OPRM1: variants seen among roughly 807,000 people sequenced by gnomAD.
OPRM1 encodes mu-type opioid receptor.
Under a neutral mutation model 31.8 loss-of-function variants are expected in OPRM1, and 27 were observed. The observed-to-expected ratio is 0.85, with a 90% CI of 0.63 to 1.17. The LOEUF is 1.17. Among genes scored for constraint, OPRM1 ranks in the 50% most tolerant of loss-of-function variants. The pLI is 0.00. For missense variants in OPRM1, 536 were observed against 511.1 expected, an observed-to-expected ratio of 1.05 and a Z score of -0.47; for synonymous variants, 196 against 189.9, an observed-to-expected ratio of 1.03 and a Z score of -0.26.
intron 3 of OPRM1, among the ~76,000 whole-genome samples, chr6:154,112,653 T>A (rs1562484409): frequency 1.3e-5 from 2 of 152,202 alleles, no homozygotes; most frequent in Non-Finnish European, 2.9e-5. Context: ...GATGATTAGA[T>A]CTTGCAGTTC....
chr6:154,150,650 T>C (rs1025708543), intron 3 of OPRM1, among the ~76,000 whole-genome samples: 2 of 152,238 alleles, frequency 1.3e-5, no homozygotes, highest in East Asian at 1.9e-4. Context: ...CAAGTGAACC[T>C]GGGGATTCAC....
intron 3 of OPRM1, among the ~76,000 whole-genome samples, chr6:154,171,056 A>G (rs1037395822): frequency 1.3e-5 from 2 of 152,170 alleles, no homozygotes; most frequent in African/African-American, 2.4e-5. Flanking sequence ...CCACTTTAGA[A>G]AATAGTTTGT....
At chr6:154,104,376 A>G (rs1224273894) in intron 3 of OPRM1, among the ~76,000 whole-genome samples, 1 of 152,254 alleles carries the variant, frequency 6.6e-6, no homozygotes, top group African/African-American at 2.4e-5. Context: ...TTCCAAGTAA[A>G]CTAAATTAGA....
chr6:154,195,572 C>T (rs9478522), intron 3 of OPRM1, among the ~76,000 whole-genome samples: 10,019 of 152,130 alleles, frequency 0.066, 424 homozygotes, highest in African/African-American at 0.099. Context: ...CCTTTCCATC[C>T]CCTTTACCCA....
intron 3 of OPRM1, among the ~76,000 whole-genome samples, chr6:154,244,588 C>T (rs556068503): frequency 6.6e-6 from 1 of 152,254 alleles, no homozygotes; most frequent in South Asian, 2.1e-4. Context: ...TCTTTCTAGC[C>T]TAGTCTGTCA....
At chr6:154,107,160 G>A (rs1294334079) in intron 3 of OPRM1, among the ~76,000 whole-genome samples, 2 of 152,214 alleles carry the variant, frequency 1.3e-5, no homozygotes, top group African/African-American at 2.4e-5. Flanking sequence ...ACTGGCTTGA[G>A]GATGGAGTCC....
downstream of OPRM1, among the ~76,000 whole-genome samples, chr6:154,136,438 A>C (rs1377944629): frequency 6.6e-6 from 1 of 152,234 alleles, no homozygotes; most frequent in Non-Finnish European, 1.5e-5. Flanking sequence ...TTCTTGTAAA[A>C]TAATGGTGTC....
chr6:154,061,655 C>T (rs552893970), intron 1 of OPRM1, among the ~76,000 whole-genome samples: 6 of 151,768 alleles, frequency 4.0e-5, no homozygotes, highest in African/African-American at 4.8e-5. Flanking sequence ...CAACAGACAC[C>T]GGGGCTTACT....
intron 1 of OPRM1, among the ~76,000 whole-genome samples, chr6:154,079,978 A>G (rs946452323): frequency 1.3e-5 from 2 of 152,250 alleles, no homozygotes; most frequent in Admixed American, 6.5e-5. Flanking sequence ...TTATTTGATA[A>G]CAATTTCAGA....
intron 1 of OPRM1, among the ~76,000 whole-genome samples, chr6:154,029,988 C>T (rs959415673): frequency 6.6e-6 from 1 of 151,928 alleles, no homozygotes; most frequent in Non-Finnish European, 1.5e-5. Flanking sequence ...TTATTAGCAG[C>T]GTGAGAATGG....
rs752365239 is a variant in OPRM1 at position 154,091,066 on chromosome 6, G to C, written c.758G>C (p.Cys253Ser). The change falls in exon 3 of 4, where the codon TGC becomes TCC. Residue 253 changes from cysteine (C) to serine (S), a missense_variant. Cys to Ser is a moderately radical substitution (Grantham distance 112). Transcript: ENST00000330432. ...FIMPVLIITV[C>S]YGLMILRLKS... ...ATGCCAGTGCTCATCATTACCGTGTGCTATGGACTGATGATCTTGCGCCTC... is the reference window on the plus strand; with the variant it reads ...ATGCCAGTGCTCATCATTACCGTGTCCTATGGACTGATGATCTTGCGCCTC... 2 of 1,614,162 alleles carry C rather than the reference G, an allele frequency of 1.2e-6. No homozygotes were observed. The highest frequency in any genetic ancestry group is 1.7e-6 in the Non-Finnish European group (2 of 1,180,016).
At chr6:154,199,229 A>G (rs1054542005) in intron 3 of OPRM1, among the ~76,000 whole-genome samples, 1 of 152,230 alleles carries the variant, frequency 6.6e-6, no homozygotes, top group Non-Finnish European at 1.5e-5. Flanking sequence ...ACAGGCTAAG[A>G]ATTAGATACT....
intron 1 of OPRM1, among the ~76,000 whole-genome samples, chr6:154,022,724 G>A (rs537185483): frequency 8.5e-5 from 13 of 152,282 alleles, no homozygotes; most frequent in African/African-American, 3.1e-4. Context: ...TTTGATTTTT[G>A]TATATGGTGA....
chr6:154,122,433 T>A lies in OPRM1; in HGVS notation c.*3712T>A, dbSNP rs1164810685. 6.6e-6 allele frequency among the ~76,000 whole-genome samples: 1 copy of A among 152,174 alleles called. No homozygotes were observed. Among genetic ancestry groups the A allele is most frequent in the Non-Finnish European group, 1.5e-5 (1 of 68,004 alleles). The stretch of plus-strand genomic sequence containing the variant: ...TCTAACCACTGTGTTTCCCCCAGTT[T>A]GATATGGTTCAGGATACATAGTCAT... On this transcript the variant is annotated 3_prime_UTR_variant, in exon 4 of 4. Transcript: ENST00000330432.
intron 3 of OPRM1, chr6:154,212,817 C>G (rs747356617): frequency 6.2e-7 from 1 of 1,613,784 alleles, no homozygotes; most frequent in South Asian, 1.1e-5. Context: ...GTCTCCGCAG[C>G]TATTTCTGGA....
intron 3 of OPRM1, among the ~76,000 whole-genome samples, chr6:154,110,784 G>A (rs994148058): frequency 6.6e-6 from 1 of 151,506 alleles, no homozygotes; most frequent in Non-Finnish European, 1.5e-5. Flanking sequence ...CTACTCGGGA[G>A]GCTGAGGCAG....
At chr6:154,054,858 T>C (rs1280872032) in intron 1 of OPRM1, among the ~76,000 whole-genome samples, 1 of 152,162 alleles carries the variant, frequency 6.6e-6, no homozygotes, top group Non-Finnish European at 1.5e-5. Context: ...ACTTGATAAA[T>C]ATACACACCT....
chr6:154,166,766 CACAG>C (rs1246574201), intron 3 of OPRM1, among the ~76,000 whole-genome samples: 34 of 152,162 alleles, frequency 2.2e-4, no homozygotes, highest in African/African-American at 8.0e-4. Flanking sequence ...TATCAGCTAT[CACAG>C]ACAAAGAAGA....
At chr6:154,067,341 T>C (rs893631838) in intron 1 of OPRM1, among the ~76,000 whole-genome samples, 12 of 151,954 alleles carry the variant, frequency 7.9e-5, no homozygotes, top group Non-Finnish European at 1.3e-4. Flanking sequence ...TTCAGTGTGT[T>C]GTGCTTTAAT....
Sources: allele counts gnomAD v4.1 joint callset (sites outside exome capture counted in the v4.1 genomes callset), GRCh38; gene constraint gnomAD v4.1.1; transcripts MANE v1.5; gene names NCBI Gene and HGNC (gene_info 2026-07-23, HGNC 2026-07-21).